ZFPM1: variants seen among roughly 807,000 people sequenced by gnomAD.
ZFPM1 encodes the protein zinc finger protein ZFPM1.
Under a neutral mutation model 46.3 loss-of-function variants are expected in ZFPM1, and 28 were observed. The ratio of observed to expected loss-of-function variants is 0.60; its 90% CI spans 0.45 to 0.83. The LOEUF (loss-of-function observed/expected upper bound fraction) is 0.83. ZFPM1 is among the 40% of genes least tolerant of loss of function. The pLI, the probability that ZFPM1 is intolerant of heterozygous loss-of-function variation, is 0.00. For synonymous variants in ZFPM1, 957 were observed against 675.9 expected, an observed-to-expected ratio of 1.42 and a Z score of -6.45; for missense variants, 1,878 against 1,432.4, an observed-to-expected ratio of 1.31 and a Z score of -5.02.
At chr16:88,507,065 G>A (rs891749779) in intron 3 of ZFPM1, among the ~76,000 whole-genome samples, 9 of 152,196 alleles carry the variant, frequency 5.9e-5, no homozygotes, top group Admixed American at 2.6e-4. Context: ...ATCTGTGAAC[G>A]GGGAAGGGGC....
intron 1 of ZFPM1, among the ~76,000 whole-genome samples, chr16:88,466,778 G>C (rs1908153337): frequency 1.3e-5 from 2 of 152,162 alleles, no homozygotes; most frequent in South Asian, 2.1e-4. Flanking sequence ...GTGGGGGAGG[G>C]GGGTAAATGT....
In ZFPM1 at chr16:88,509,758, C is replaced by T. The variant is rs1910851654; in HGVS notation, c.269-4629C>T. ...TGGATCCTCTGTCAGAGAGCAGCTT[C>T]AGGGTCTGGTCTCGGGAGCAACTGC... is the stretch of plus-strand genomic sequence containing the variant. On this transcript the variant is annotated intron_variant, in intron 3 of 9. Coordinates refer to ENST00000319555, the MANE Select transcript of ZFPM1 (RefSeq NM_153813.3). Among the ~76,000 whole-genome samples the T allele has an allele frequency of 2.0e-5, 3 of 152,194 alleles. No homozygotes were observed. The South Asian group carries it at 6.2e-4, about 31-fold the overall frequency.
At chr16:88,505,424 C>T (rs1910593961) in intron 3 of ZFPM1, among the ~76,000 whole-genome samples, 1 of 152,210 alleles carries the variant, frequency 6.6e-6, no homozygotes, top group African/African-American at 2.4e-5. Flanking sequence ...GGGGACACAG[C>T]CGTTCAACAG....
Position 88,533,462 on chromosome 16 carries a change from G to A in ZFPM1, c.1504G>A (p.Ala502Thr), listed in dbSNP as rs1314073394. ...PRSPAPARVKAELSSPTPGSS... is the reference protein window; with the variant it reads ...PRSPAPARVKTELSSPTPGSS... Reference sequence around the variant, plus strand: ...CAGCCCCGCCCCGGCCAGGGTCAAGGCCGAGCTGTCCAGCCCCACGCCGGG... The same window carrying A: ...CAGCCCCGCCCCGGCCAGGGTCAAGACCGAGCTGTCCAGCCCCACGCCGGG... The change falls in exon 10 of 10, where the codon GCC (alanine) becomes ACC (threonine). Residue 502 changes from alanine to threonine, a missense_variant. By Grantham distance (58) the Ala-to-Thr change is moderately conservative (BLOSUM62 0). Transcript: ENST00000319555. 3.5e-6 allele frequency: 5 copies of A among 1,433,608 alleles called. No individual in the cohort carries two copies. The highest frequency in any genetic ancestry group is 2.8e-5 in the South Asian group (2 of 72,404). The allele number at this position is 1,433,608 out of a possible 1,614,324, so 88.8% of individuals were successfully genotyped here. A position where few individuals can be genotyped will look rare whatever the true frequency, so the allele number is the denominator to read the frequency against.
intron 5 of ZFPM1, among the ~76,000 whole-genome samples, chr16:88,527,220 C>T (rs1414593375): frequency 6.6e-6 from 1 of 152,226 alleles, no homozygotes; most frequent in African/African-American, 2.4e-5. Flanking sequence ...CTCCTCCCTG[C>T]CTTGGCTGCA....
intron 5 of ZFPM1, 62 bp downstream of exon 5, chr16:88,526,978 C>A: frequency 6.6e-7 from 1 of 1,514,222 alleles, no homozygotes; most frequent in Non-Finnish European, 8.9e-7. Context: ...CTTGGCTCCC[C>A]CTGGGCTGAG....
chr16:88,487,160 A>T (rs1177895486), intron 2 of ZFPM1, among the ~76,000 whole-genome samples: 1 of 152,188 alleles, frequency 6.6e-6, no homozygotes, highest in African/African-American at 2.4e-5. Flanking sequence ...ACACATCCAG[A>T]GACCCTGGGA....
At chr16:88,527,587 C>T (rs1049324055) in intron 5 of ZFPM1, among the ~76,000 whole-genome samples, 1 of 151,994 alleles carries the variant, frequency 6.6e-6, no homozygotes, top group African/African-American at 2.4e-5. Context: ...CCCAGGTGAA[C>T]AAGCCGGCCC....
chr16:88,522,318 G>T (rs1911959987), intron 4 of ZFPM1, among the ~76,000 whole-genome samples: 1 of 152,230 alleles, frequency 6.6e-6, no homozygotes, highest in African/African-American at 2.4e-5. Flanking sequence ...TGGGGAGGTG[G>T]AGGACTTCTC....
chr16:88,498,519 G>A (rs900020431), intron 3 of ZFPM1, among the ~76,000 whole-genome samples: 1 of 152,226 alleles, frequency 6.6e-6, no homozygotes, highest in South Asian at 2.1e-4. Flanking sequence ...GCATAGCCCA[G>A]GCCCTCCGGG....
chr16:88,526,294 C>T (rs375878560), intron 4 of ZFPM1, among the ~76,000 whole-genome samples: 2 of 152,302 alleles, frequency 1.3e-5, no homozygotes, highest in East Asian at 3.9e-4. Context: ...AGGGAAGTGC[C>T]GTATCTTCTG....
At chr16:88,499,003 TGTG>T (rs1910098136) in intron 3 of ZFPM1, among the ~76,000 whole-genome samples, 1 of 152,194 alleles carries the variant, frequency 6.6e-6, no homozygotes, top group African/African-American at 2.4e-5. Flanking sequence ...CGCAAGGCCC[TGTG>T]GGCGGAGCCC....
chr16:88,488,992 G>A (rs1909401089), intron 2 of ZFPM1, 39 bp from the exon 3 acceptor site: 2 of 1,593,576 alleles, frequency 1.3e-6, no homozygotes, highest in Admixed American at 3.4e-5. Flanking sequence ...TCAGTGCCCG[G>A]CACTCAGCAG....
In ZFPM1 at chr16:88,534,710, C is replaced by T; in HGVS notation, c.2752C>T (p.Arg918Trp). The T allele has an allele frequency of 2.0e-6, 2 of 983,084 alleles. No homozygotes were observed. Among genetic ancestry groups the T allele is most frequent in the South Asian group, 9.1e-5 (2 of 22,052 alleles). 60.9% of individuals were successfully genotyped at this position (983,084 alleles called of 1,614,324 possible). The change falls in exon 10 of 10, where the codon CGG (arginine) becomes TGG (tryptophan). Residue 918 changes from arginine (R) to tryptophan (W), a missense_variant. Physicochemically the swap from Arg to Trp is moderately radical, Grantham distance 101. Transcript: ENST00000319555. Reference protein sequence around the residue: ...ASPQPGSRGPRDGLGPEPQEP... With the variant: ...ASPQPGSRGPWDGLGPEPQEP... ...CCCGCAGCCCGGGTCCCGTGGCCCCCGGGACGGCCTCGGCCCGGAGCCCCA... is the reference window on the plus strand; with the variant it reads ...CCCGCAGCCCGGGTCCCGTGGCCCCTGGGACGGCCTCGGCCCGGAGCCCCA...
chr16:88,476,871 C>T (rs147546131), intron 1 of ZFPM1, among the ~76,000 whole-genome samples: 2 of 152,362 alleles, frequency 1.3e-5, no homozygotes, highest in Admixed American at 6.5e-5. Flanking sequence ...GAAGCTAAGC[C>T]GGTGGCCTGA....
intron 7 of ZFPM1, 70 bp downstream of exon 7, chr16:88,532,305 C>A: frequency 7.1e-7 from 1 of 1,409,536 alleles, no homozygotes; most frequent in South Asian, 1.4e-5. Context: ...GCAGGCCGCC[C>A]GGGAAAACCC....
chr16:88,521,071 GTGGA>G (rs1256005535), intron 4 of ZFPM1, among the ~76,000 whole-genome samples: 1 of 92,236 alleles, frequency 1.1e-5, no homozygotes, highest in Non-Finnish European at 2.4e-5. Flanking sequence ...GGGTGGGTGG[GTGGA>G]TGGATGATTA....
Position 88,534,961 on chromosome 16 carries a change from C to A in ZFPM1, c.3003C>A (p.Ala1001=). 6.8e-7 allele frequency: 1 copy of A among 1,476,362 alleles called. No homozygotes were observed. Among genetic ancestry groups the A allele is most frequent in the Admixed American group, 2.1e-5 (1 of 47,838 alleles). 91.5% of individuals were successfully genotyped at this position (1,476,362 alleles called of 1,614,324 possible). ...AGAAGTATTACTGCTCCTCGCACGC[C>A]GCCGAGCACGTGAAGTGAGCGCCCA... ...AHKKYYCSSH[A]AEHVK The change falls in exon 10 of 10, where the codon GCC becomes GCA. Residue 1001 remains alanine (A), a synonymous_variant. Transcript: ENST00000319555.
chr16:88,499,686 C>T (rs1299443856), intron 3 of ZFPM1, among the ~76,000 whole-genome samples: 1 of 152,186 alleles, frequency 6.6e-6, no homozygotes, highest in Non-Finnish European at 1.5e-5. Context: ...AAGGGCTTGG[C>T]TGAAGTGGGC....
Sources: gnomAD v4.1 joint callset for allele counts (sites outside exome capture counted in the v4.1 genomes callset) on GRCh38, gnomAD v4.1.1 for gene constraint, MANE v1.5 for transcripts, NCBI Gene and HGNC (gene_info 2026-07-23, HGNC 2026-07-21) for gene names.